Variants in PTPN2 observed in about 807,000 individuals in gnomAD.
The protein encoded by PTPN2 is protein tyrosine phosphatase non-receptor type 2, also known as tyrosine-protein phosphatase non-receptor type 2.
Under a neutral mutation model 57.3 loss-of-function variants are expected in PTPN2, and 19 were observed. The observed-to-expected ratio is 0.33, with a 90% confidence interval of 0.23 to 0.49. PTPN2 has a LOEUF of 0.49. Ranked by LOEUF, PTPN2 falls within the 20% of genes least tolerant of loss-of-function variation. The pLI, the probability that PTPN2 is intolerant of heterozygous loss-of-function variation, is 0.99. For missense variants in PTPN2, 358 were observed against 501.1 expected (o/e 0.71, Z 2.73); for synonymous variants, 153 against 164.9 (o/e 0.93, Z 0.55).
At chr18:12,870,610 A>T (rs1169646932) in intron 1 of PTPN2, among the ~76,000 whole-genome samples, 2 of 142,144 alleles carry the variant, frequency 1.4e-5, no homozygotes, top group Non-Finnish European at 1.5e-5. Context: ...CCAGGTTTAC[A>T]CCATTCTCCT....
intron 8 of PTPN2, among the ~76,000 whole-genome samples, chr18:12,795,522 T>C (rs541569882): frequency 3.6e-4 from 55 of 152,310 alleles, no homozygotes; most frequent in African/African-American, 1.3e-3. Flanking sequence ...CTTGAACTCC[T>C]GATCTCAAGT....
intron 1 of PTPN2, among the ~76,000 whole-genome samples, chr18:12,873,634 G>A (rs1335908821): frequency 1.2e-4 from 18 of 152,124 alleles, no homozygotes; most frequent in African/African-American, 4.1e-4. Flanking sequence ...ATCTCGGCTC[G>A]CTACAACCTC....
intron 2 of PTPN2, among the ~76,000 whole-genome samples, chr18:12,849,952 C>G (rs1012662741): frequency 2.0e-5 from 3 of 151,822 alleles, no homozygotes; most frequent in African/African-American, 7.3e-5. Context: ...ATTTATGTGC[C>G]CACTCTTTCT....
chr18:12,856,490 A>G (rs775110412), intron 2 of PTPN2, among the ~76,000 whole-genome samples: 22 of 152,086 alleles, frequency 1.4e-4, no homozygotes, highest in Admixed American at 2.6e-4. Flanking sequence ...CCAGAGGACA[A>G]CCACTGCATG....
At chr18:12,841,080 C>T (rs900149979) in intron 2 of PTPN2, 32 of 1,063,252 alleles carry the variant, frequency 3.0e-5, no homozygotes, top group Middle Eastern at 3.3e-4. Context: ...TATATTAAGC[C>T]GTGACTCTGA....
intron 7 of PTPN2, among the ~76,000 whole-genome samples, chr18:12,809,373 T>A (rs756536576): frequency 2.0e-5 from 3 of 152,180 alleles, no homozygotes; most frequent in Non-Finnish European, 4.4e-5. Context: ...TCTGGGCCCC[T>A]GCAGATGAAA....
chr18:12,883,116 C>T (rs2044718653), intron 1 of PTPN2, among the ~76,000 whole-genome samples: 1 of 152,144 alleles, frequency 6.6e-6, no homozygotes. Flanking sequence ...AACACCGTGC[C>T]CCCGGGGAGG....
intron 7 of PTPN2, among the ~76,000 whole-genome samples, chr18:12,807,586 A>AAAAAAAAAAAAAAAAAAAATAT: frequency 5.7e-5 from 2 of 35,200 alleles, no homozygotes; most frequent in African/African-American, 7.0e-5. Context: ...AAAAAAAAAA[A>AAAAAAAAAAAAAAAAAAAATAT]ATATATATAT....
chr18:12,845,920 C>T (rs969194608), intron 2 of PTPN2, among the ~76,000 whole-genome samples: 4 of 152,056 alleles, frequency 2.6e-5, no homozygotes, highest in African/African-American at 7.2e-5. Context: ...CTTTACTAAC[C>T]CAGACACCAT....
At chr18:12,836,325 C>T (rs984932508) in intron 3 of PTPN2, among the ~76,000 whole-genome samples, 6 of 152,204 alleles carry the variant, frequency 3.9e-5, no homozygotes, top group Non-Finnish European at 7.3e-5. Flanking sequence ...CTCTGGAGCA[C>T]CTGGTCTCAG....
At chr18:12,794,767 G>A (rs1164888228) in intron 8 of PTPN2, among the ~76,000 whole-genome samples, 3 of 152,076 alleles carry the variant, frequency 2.0e-5, no homozygotes, top group Non-Finnish European at 2.9e-5. Context: ...GACTGCAGGC[G>A]TGCACCACTA....
chr18:12,873,221 A>G (rs1414355313), intron 1 of PTPN2, among the ~76,000 whole-genome samples: 4 of 149,752 alleles, frequency 2.7e-5, no homozygotes, highest in African/African-American at 9.8e-5. Flanking sequence ...ACTCCGTCTC[A>G]AGAAAAAAAA....
intron 3 of PTPN2, among the ~76,000 whole-genome samples, chr18:12,833,925 T>TA (rs1018353187): frequency 2.0e-5 from 3 of 152,074 alleles, no homozygotes; most frequent in African/African-American, 7.2e-5. Flanking sequence ...CTGAAAAACA[T>TA]AGAGAGGAAT....
chr18:12,870,427 GTA>G (rs201222736), intron 1 of PTPN2, among the ~76,000 whole-genome samples: 3,836 of 34,774 alleles, frequency 0.11, 509 homozygotes, highest in African/African-American at 0.17. Context: ...ATATATATAC[GTA>G]TATATATATG....
Position 12,792,345 on chromosome 18 carries a change from C to A in PTPN2, c.*1933G>T. 1.7e-6 allele frequency: 1 copy of A among 577,476 alleles called. No homozygotes were observed. Among genetic ancestry groups the A allele is most frequent in the Non-Finnish European group, 2.1e-6 (1 of 466,210 alleles). 35.8% of individuals were successfully genotyped at this position (577,476 alleles called of 1,614,324 possible). On this transcript the variant is annotated 3_prime_UTR_variant, in exon 9 of 9. Coordinates refer to ENST00000309660, the MANE Select transcript of PTPN2 (RefSeq NM_002828.4). ...GTTGCCAGGCTGGAGTGCAGTGGTG[C>A]AATCTCGGCTCACTGCAACCTCTGC... is the stretch of plus-strand genomic sequence containing the variant.
intron 8 of PTPN2, 110 bp from the exon 9 acceptor site, chr18:12,794,595 A>G (rs1377838328): frequency 1.6e-6 from 2 of 1,279,794 alleles, no homozygotes; most frequent in African/African-American, 3.0e-5. Context: ...TTTTCACCCT[A>G]TTTGAACACT....
At chr18:12,839,484 A>C (rs933364313) in intron 2 of PTPN2, 2 of 152,188 alleles carry the variant, frequency 1.3e-5, no homozygotes, top group African/African-American at 4.8e-5. Context: ...GTAAGCCCCA[A>C]AGCCCACTAT....
rs566297586 is a variant in PTPN2, at chr18:12,870,316, T to C, written c.70-11062A>G. On this transcript the variant is annotated intron_variant, in intron 1 of 8. Coordinates refer to ENST00000309660, the MANE Select transcript of PTPN2 (RefSeq NM_002828.4). ...ATATATATGTGTATATATACATATATATGTGTATATATATGTATATATATA... is the reference window on the plus strand; with the variant it reads ...ATATATATGTGTATATATACATATACATGTGTATATATATGTATATATATA... Among the ~76,000 whole-genome samples the C allele has an allele frequency of 1.9e-4, 13 of 69,282 alleles. 2 individuals are homozygous for C. The highest frequency in any genetic ancestry group is 8.3e-4 in the African/African-American group (10 of 12,020). The allele number at this position is 69,282 out of a possible 152,430, so 45.5% of individuals were successfully genotyped here.
intron 2 of PTPN2, among the ~76,000 whole-genome samples, chr18:12,850,135 T>C (rs1373693841): frequency 1.3e-5 from 2 of 152,194 alleles, no homozygotes; most frequent in African/African-American, 4.8e-5. Flanking sequence ...CTGCTTTTTT[T>C]TTCTCATTCT....
Sources: gnomAD v4.1 joint callset for allele counts (sites outside exome capture counted in the v4.1 genomes callset) on GRCh38, gnomAD v4.1.1 for gene constraint, MANE v1.5 for transcripts, NCBI Gene and HGNC (gene_info 2026-07-23, HGNC 2026-07-21) for gene names.